The following ANKRD28 variants were observed in gnomAD, a reference collection of about 807,000 sequenced individuals.
ANKRD28 encodes serine/threonine-protein phosphatase 6 regulatory ankyrin repeat subunit A.
A neutral mutation model predicts 126.5 loss-of-function variants in ANKRD28; 44 were observed. The observed-to-expected ratio is 0.35, with a 90% confidence interval of 0.27 to 0.45. The LOEUF (loss-of-function observed/expected upper bound fraction) is 0.45, where lower values mean the gene tolerates loss of function less well. Ranked by LOEUF, ANKRD28 falls within the 20% of genes least tolerant of loss-of-function variation. ANKRD28 has a pLI of 1.00. For missense variants in ANKRD28, 1,110 were observed against 1,316.6 expected, an observed-to-expected ratio of 0.84 and a Z score of 2.43; for synonymous variants, 442 against 468.5, an observed-to-expected ratio of 0.94 and a Z score of 0.73.
intron 1 of ANKRD28, among the ~76,000 whole-genome samples, chr3:15,810,953 T>C (rs1172063790): frequency 6.6e-6 from 1 of 152,220 alleles, no homozygotes; most frequent in Non-Finnish European, 1.5e-5. Context: ...CCAAGCCTAC[T>C]GTGAGTGACT....
At chr3:15,693,930 G>A (rs534978228) in intron 17 of ANKRD28, among the ~76,000 whole-genome samples, 50 of 152,144 alleles carry the variant, frequency 3.3e-4, no homozygotes, top group African/African-American at 1.2e-3. Flanking sequence ...ACAATCAAAT[G>A]AATAACTGAA....
intron 2 of ANKRD28, among the ~76,000 whole-genome samples, chr3:15,782,173 G>A (rs1371642189): frequency 6.6e-6 from 1 of 152,060 alleles, no homozygotes; most frequent in Non-Finnish European, 1.5e-5. Flanking sequence ...TCAATTAGGA[G>A]TGATATCACC....
chr3:15,824,939 T>G (rs544407650), intron 1 of ANKRD28, among the ~76,000 whole-genome samples: 47 of 152,306 alleles, frequency 3.1e-4, no homozygotes, highest in Non-Finnish European at 5.4e-4. Context: ...AAATTTTCAA[T>G]GCACATCCCA....
chr3:15,814,198 G>T lies in ANKRD28; in HGVS notation c.28-18892C>A. On this transcript the variant is annotated intron_variant, in intron 1 of 27. Transcript: ENST00000399451. This position sits in a 1 kb window ranked among gnomAD's most constrained non-coding sequence, Gnocchi z 4.7. The stretch of plus-strand genomic sequence containing the variant: ...AGCAACAAACTAACAAATTACAAGA[G>T]CTGCCTATATTACTGCAAGAGACTA... 1 of 1,070,404 alleles carries T rather than the reference G, an allele frequency of 9.3e-7. No homozygotes were observed. The highest frequency in any genetic ancestry group is 1.2e-6 in the Non-Finnish European group (1 of 843,288). The allele number at this position is 1,070,404 out of a possible 1,614,324, so 66.3% of individuals were successfully genotyped here. A position where few individuals can be genotyped will look rare whatever the true frequency, so the allele number is the denominator to read the frequency against.
chr3:15,764,117 C>T (rs369046221), intron 3 of ANKRD28, among the ~76,000 whole-genome samples: 19 of 152,086 alleles, frequency 1.2e-4, no homozygotes, highest in African/African-American at 4.3e-4. Flanking sequence ...CCCAGCTACT[C>T]GGGAGGCTGA....
intron 2 of ANKRD28, among the ~76,000 whole-genome samples, chr3:15,779,105 G>A (rs1190721551): frequency 6.6e-6 from 1 of 152,074 alleles, no homozygotes; most frequent in South Asian, 2.1e-4. Flanking sequence ...ATAGCAGAGG[G>A]AGAACAAACT....
intron 1 of ANKRD28, among the ~76,000 whole-genome samples, chr3:15,824,790 G>C (rs2061023148): frequency 6.6e-6 from 1 of 152,248 alleles, no homozygotes; most frequent in Non-Finnish European, 1.5e-5. Context: ...TACTTTTACA[G>C]AACAAGGAGT....
At chr3:15,685,125 G>C (rs902699399) in intron 21 of ANKRD28, 101 bp downstream of exon 21, 27 of 1,225,784 alleles carry the variant, frequency 2.2e-5, no homozygotes, top group Non-Finnish European at 2.8e-5. Flanking sequence ...TTATTCCCAA[G>C]GTTTTTGCTA....
At chr3:15,834,324 C>T (rs79227413) in intron 1 of ANKRD28, among the ~76,000 whole-genome samples, 1,923 of 152,184 alleles carry the variant, frequency 0.013, 44 homozygotes, top group African/African-American at 0.044. Context: ...AGTGTCCTTT[C>T]CCCAGTGTAT....
At chr3:15,681,225 T>C (rs908433275) in intron 21 of ANKRD28, among the ~76,000 whole-genome samples, 1 of 152,206 alleles carries the variant, frequency 6.6e-6, no homozygotes, top group Non-Finnish European at 1.5e-5. Context: ...AAATGCTATA[T>C]AAATAGTTGT....
intron 1 of ANKRD28, among the ~76,000 whole-genome samples, chr3:15,840,265 A>G (rs1243797530): frequency 2.0e-5 from 3 of 152,212 alleles, no homozygotes; most frequent in Non-Finnish European, 4.4e-5. Context: ...AACAATCTGA[A>G]AAAGAAATCA....
intron 23 of ANKRD28, 108 bp downstream of exon 23, chr3:15,679,193 C>A: frequency 2.9e-6 from 3 of 1,023,314 alleles, no homozygotes; most frequent in African/African-American, 1.6e-5. Context: ...TGGTCTTAAA[C>A]TCCTGGCTTC....
At chr3:15,822,872 C>A (rs1282435102) in intron 1 of ANKRD28, among the ~76,000 whole-genome samples, 1 of 152,092 alleles carries the variant, frequency 6.6e-6, no homozygotes. Context: ...AAGCTTTTAG[C>A]TAGACTGACA....
chr3:15,781,139 G>A (rs2059520406), intron 2 of ANKRD28, among the ~76,000 whole-genome samples: 1 of 151,762 alleles, frequency 6.6e-6, no homozygotes, highest in Non-Finnish European at 1.5e-5. Flanking sequence ...CCGTATATTT[G>A]ATAAAGAATT....
Position 15,817,715 on chromosome 3 carries a change from T to C in ANKRD28, c.28-22409A>G, listed in dbSNP as rs2060860738. ...GGAAACCACTAATTTCTTCCTAAGATGAGATACAAGCAAGAATGCCTGCTC... is the reference window on the plus strand; with the variant it reads ...GGAAACCACTAATTTCTTCCTAAGACGAGATACAAGCAAGAATGCCTGCTC... On this transcript the variant is annotated intron_variant, in intron 1 of 27. Coordinates refer to the ANKRD28 transcript ENST00000399451. This position sits in a 1 kb window ranked among gnomAD's most constrained non-coding sequence, Gnocchi z 4.5. Among the ~76,000 whole-genome samples the C allele has an allele frequency of 6.6e-6, 1 of 152,140 alleles. No homozygotes were observed. Among genetic ancestry groups the C allele is most frequent in the Non-Finnish European group, 1.5e-5 (1 of 68,028 alleles).
At chr3:15,751,912 G>A in intron 3 of ANKRD28, 92 bp from the exon 4 acceptor site, 2 of 808,772 alleles carry the variant, frequency 2.5e-6, no homozygotes, top group East Asian at 3.1e-5. Flanking sequence ...AATCCAAATT[G>A]GATAAATGAC....
chr3:15,696,128 T>A lies in ANKRD28; in HGVS notation c.1659+6A>T, dbSNP rs371523674. The stretch of plus-strand genomic sequence containing the variant: ...TAGGTCTTTCACAAGAATTCAGGAA[T>A]CTTACCAGCTGAAGACATAGACGGT... On this transcript the variant is annotated splice_donor_region_variant and intron_variant, in intron 15 of 27. Transcript: ENST00000683139. The A allele has an allele frequency of 6.5e-7, 1 of 1,546,292 alleles. No homozygotes were observed. Among genetic ancestry groups the A allele is most frequent in the African/African-American group, 1.3e-5 (1 of 74,150 alleles).
chr3:15,779,878 C>T (rs1250681475), intron 2 of ANKRD28, among the ~76,000 whole-genome samples: 3 of 152,154 alleles, frequency 2.0e-5, no homozygotes, highest in African/African-American at 7.2e-5. Context: ...ATTTCTAAGG[C>T]TTACTTGCTT....
chr3:15,828,193 T>C (rs1455501882), intron 1 of ANKRD28, among the ~76,000 whole-genome samples: 1 of 152,122 alleles, frequency 6.6e-6, no homozygotes, highest in Non-Finnish European at 1.5e-5. Flanking sequence ...GAATGGAGAA[T>C]TAGATCTGAA....
Sources: gnomAD v4.1 joint callset for allele counts (sites outside exome capture counted in the v4.1 genomes callset) on GRCh38, gnomAD v4.1.1 for gene constraint, Gnocchi (gnomAD v3.1) non-coding constraint, MANE v1.5 for transcripts, NCBI Gene and HGNC (gene_info 2026-07-23, HGNC 2026-07-21) for gene names.